The following NAV3 variants were observed in gnomAD, a reference collection of about 807,000 sequenced individuals.
NAV3 encodes pore membrane and/or filament interacting like protein 1.
Under a neutral mutation model 244.7 loss-of-function variants are expected in NAV3, and 87 were observed. The observed-to-expected ratio is 0.36, with a 90% CI of 0.30 to 0.42. The LOEUF is 0.42. NAV3 is among the 20% of genes least tolerant of loss of function. The probability of loss-of-function intolerance (pLI) is 1.00; values close to 1 mark genes in which losing one functional copy is unlikely to be tolerated. For missense variants in NAV3, 2,663 were observed against 2,893.3 expected (o/e 0.92, Z 1.83); for synonymous variants, 1,126 against 1,042.2 (o/e 1.08, Z -1.55).
Position 77,954,024 on chromosome 12 carries a change from C to T in NAV3, c.415-12205C>T, listed in dbSNP as rs571588479. Among the ~76,000 whole-genome samples, 4 of 152,200 alleles carry T rather than the reference C, an allele frequency of 2.6e-5. No homozygotes were observed. In the East Asian group the frequency reaches 7.7e-4, roughly 29 times the overall value. ...GTCTTCCAGAGGCTGTAGGGATATC[C>T]ATTCCTTTCCTTTTCTAGCTTATGG... On this transcript the variant is annotated intron_variant, in intron 3 of 39. Coordinates refer to ENST00000397909, the MANE Select transcript of NAV3 (RefSeq NM_001024383.2).
intron 9 of NAV3, 101 bp downstream of exon 9, chr12:78,021,963 C>CA: frequency 1.7e-6 from 1 of 592,072 alleles, no homozygotes. Flanking sequence ...GTTTTTAGTG[C>CA]AAAAATGGAC....
chr12:78,161,631 A>T (rs1957550148), intron 23 of NAV3, among the ~76,000 whole-genome samples: 2 of 152,128 alleles, frequency 1.3e-5, no homozygotes, highest in African/African-American at 4.8e-5. Flanking sequence ...TATCCTTAAA[A>T]TAACATTGCC....
chr12:77,880,221 T>C (rs964650878), intron 1 of NAV3, among the ~76,000 whole-genome samples: 3 of 152,108 alleles, frequency 2.0e-5, no homozygotes, highest in Non-Finnish European at 4.4e-5. Context: ...CACAATTCTG[T>C]TTCTCTTATT....
intron 2 of NAV3, among the ~76,000 whole-genome samples, chr12:77,674,364 C>T (rs1472728882): frequency 6.6e-6 from 1 of 151,770 alleles, no homozygotes; most frequent in Admixed American, 6.6e-5. Flanking sequence ...CAACTAACAC[C>T]AAATGGAGAT....
chr12:78,105,581 C>G (rs1219189742), intron 12 of NAV3, among the ~76,000 whole-genome samples: 1 of 151,942 alleles, frequency 6.6e-6, no homozygotes, highest in Non-Finnish European at 1.5e-5. Flanking sequence ...GTCTATTTTT[C>G]TATGGACAAG....
chr12:77,947,058 C>A (rs910368591), intron 3 of NAV3, among the ~76,000 whole-genome samples: 3 of 152,064 alleles, frequency 2.0e-5, no homozygotes, highest in Non-Finnish European at 4.4e-5. Flanking sequence ...CAACCTTCAA[C>A]CTAAGGTTTT....
chr12:77,920,498 T>C (rs963610678), intron 1 of NAV3, among the ~76,000 whole-genome samples: 2 of 152,016 alleles, frequency 1.3e-5, no homozygotes, highest in Non-Finnish European at 2.9e-5. Flanking sequence ...TACTTATAAA[T>C]TTTATAGTAC....
chr12:78,057,849 T>C (rs1251288566), intron 11 of NAV3, among the ~76,000 whole-genome samples: 6 of 152,176 alleles, frequency 3.9e-5, no homozygotes, highest in African/African-American at 1.4e-4. Flanking sequence ...CACACTGACC[T>C]TAGGAAACTG....
In NAV3 at chr12:78,062,891, GA is replaced by G. The variant is rs1244461280; in HGVS notation, c.2636+3785del. Among the ~76,000 whole-genome samples the G allele has an allele frequency of 6.7e-5, 10 of 150,306 alleles. No homozygotes were observed. In the East Asian group the frequency reaches 9.7e-4, roughly 15 times the overall value. On this transcript the variant is annotated intron_variant, in intron 12 of 39. Transcript: ENST00000397909. ...TGACAAGAAAGCTTAAAAGTCAAAA[GA>G]AAAAAAAATCCACAGCATTTTTTTT...
intron 33 of NAV3, 68 bp from the exon 34 acceptor site, chr12:78,189,916 G>A: frequency 8.4e-7 from 1 of 1,186,782 alleles, no homozygotes; most frequent in Non-Finnish European, 1.2e-6. Flanking sequence ...TTGCTGTTTA[G>A]CATGATATTT....
At chr12:77,952,477 CA>C (rs1485259091) in intron 3 of NAV3, among the ~76,000 whole-genome samples, 1 of 152,074 alleles carries the variant, frequency 6.6e-6, no homozygotes, top group Admixed American at 6.6e-5. Flanking sequence ...TCACCAACCC[CA>C]CACTGTCTTG....
intron 5 of NAV3, among the ~76,000 whole-genome samples, chr12:77,980,954 G>C (rs1024697236): frequency 6.6e-6 from 1 of 152,030 alleles, no homozygotes; most frequent in African/African-American, 2.4e-5. Flanking sequence ...CCATGCAGGT[G>C]GCCTTATTAA....
intron 16 of NAV3, among the ~76,000 whole-genome samples, chr12:78,126,641 T>C (rs1955918913): frequency 7.0e-6 from 1 of 143,764 alleles, no homozygotes; most frequent in East Asian, 1.9e-4. Context: ...TAGAATCAAT[T>C]AAGTTTTAAG....
rs536932249 is a variant in NAV3 at position 78,210,553 on chromosome 12, T to C, written c.*36T>C. ...AAGTTAAGGGAAAAGACTTTGCTTT[T>C]AAAAAAATGTTTCAAAAGAAAGGTA... On this transcript the variant is annotated 3_prime_UTR_variant, in exon 40 of 40. Coordinates refer to ENST00000397909, the MANE Select transcript of NAV3 (RefSeq NM_001024383.2). 3 of 1,598,744 alleles carry C rather than the reference T, an allele frequency of 1.9e-6. No individual in the cohort carries two copies. The highest frequency in any genetic ancestry group is 1.8e-5 in the Admixed American group (1 of 56,200).
In NAV3 at chr12:77,966,432, G is replaced by C. The variant is rs1294084089; in HGVS notation, c.487+131G>C. On this transcript the variant is annotated intron_variant, in intron 4 of 39. Coordinates refer to ENST00000397909, the MANE Select transcript of NAV3 (RefSeq NM_001024383.2). ...TAAAGGAAATTGGTGAAGTCTTCAA[G>C]ACAACCGAAACATAAACATAATGGT... 9.5e-5 allele frequency: 67 copies of C among 704,878 alleles called. 1 individual carries two copies. The Admixed American group carries it at 2.1e-3, about 22-fold the overall frequency. The allele number at this position is 704,878 out of a possible 1,614,324, so 43.7% of individuals were successfully genotyped here. A position where few individuals can be genotyped will look rare whatever the true frequency, so the allele number is the denominator to read the frequency against.
At chr12:77,592,566 G>A (rs1046232937) in intron 2 of NAV3, among the ~76,000 whole-genome samples, 2 of 152,086 alleles carry the variant, frequency 1.3e-5, no homozygotes, top group Admixed American at 1.3e-4. Context: ...AAAGCCTCAA[G>A]GGGTGATTTA....
chr12:77,849,178 C>T (rs1192931809), intron 1 of NAV3, among the ~76,000 whole-genome samples: 2 of 151,896 alleles, frequency 1.3e-5, no homozygotes, highest in East Asian at 1.9e-4. Flanking sequence ...AATGAGAAAC[C>T]GATTTGATTC....
intron 11 of NAV3, chr12:78,056,379 A>G (rs764287647): frequency 2.6e-5 from 4 of 152,214 alleles, no homozygotes; most frequent in Non-Finnish European, 4.4e-5. Context: ...AGAGGGCTGG[A>G]GATACCCAGG....
chr12:77,896,326 A>G (rs1336391929), intron 1 of NAV3, among the ~76,000 whole-genome samples: 1 of 152,168 alleles, frequency 6.6e-6, no homozygotes, highest in East Asian at 1.9e-4. Flanking sequence ...AGGATCCCAA[A>G]CTAGGGCTCT....
Sources: gnomAD v4.1 joint callset for allele counts (sites outside exome capture counted in the v4.1 genomes callset) on GRCh38, gnomAD v4.1.1 for gene constraint, MANE v1.5 for transcripts, NCBI Gene and HGNC (gene_info 2026-07-23, HGNC 2026-07-21) for gene names.